PLEKHB1: variants seen among roughly 807,000 people sequenced by gnomAD.
PLEKHB1 encodes the protein pleckstrin homology domain containing B1.
In PLEKHB1, 29 loss-of-function variants were observed where a neutral mutation model predicts 36.2. The observed-to-expected ratio is 0.80, with a 90% CI of 0.60 to 1.09. The LOEUF (loss-of-function observed/expected upper bound fraction) is 1.09. Among genes scored for constraint, PLEKHB1 ranks in the 50% least tolerant of loss-of-function variants. PLEKHB1 has a pLI of 0.00. For synonymous variants in PLEKHB1, 138 were observed against 140.0 expected (o/e 0.99, Z 0.10); for missense variants, 330 against 348.2 (o/e 0.95, Z 0.42).
chr11:73,651,658 G>A, intron 3 of PLEKHB1, 130 bp from the exon 4 acceptor site: 1 of 704,026 alleles, frequency 1.4e-6, no homozygotes, highest in Non-Finnish European at 2.5e-6. Context: ...AGAGTATATG[G>A]GATCAGAGGA....
At position 73,651,849 on chromosome 11, in the gene PLEKHB1, C is replaced by A. The variant is rs747673290; in HGVS notation, c.309C>A (p.Gly103=). 3 of 1,613,510 alleles carry A rather than the reference C, an allele frequency of 1.9e-6. No individual in the cohort carries two copies. Among genetic ancestry groups the A allele is most frequent in the Non-Finnish European group, 2.5e-6 (3 of 1,179,856 alleles). Residue 103 remains glycine, a synonymous_variant, in exon 4 of 8, where the codon GGC becomes GGA. Transcript: ENST00000354190. ...TGCTGACTGTGAACCTACGGGAAGG[C>A]GGCCGCCTGCACCTCTGTGCGGAGA... The part of the protein sequence containing the change: ...DGLLTVNLRE[G]GRLHLCAETK...
chr11:73,648,820 C>T, intron 1 of PLEKHB1, 192 bp from the exon 2 acceptor site: 1 of 1,339,796 alleles, frequency 7.5e-7, no homozygotes, highest in Non-Finnish European at 9.6e-7. Flanking sequence ...GGCTGCCCTG[C>T]TGACCCCACA....
chr11:73,647,548 C>T (rs1403732864), intron 1 of PLEKHB1: 1 of 985,372 alleles, frequency 1.0e-6, no homozygotes, highest in East Asian at 1.1e-4. Flanking sequence ...CTCTTCACGT[C>T]ACTCCCCCTC....
chr11:73,659,568 C>G (rs1261906227), intron 6 of PLEKHB1, among the ~76,000 whole-genome samples: 1 of 152,066 alleles, frequency 6.6e-6, no homozygotes, highest in East Asian at 1.9e-4. Context: ...ACAAGCAGCT[C>G]ACATTTGGGC....
At chr11:73,660,998 C>G (rs952521826) in intron 7 of PLEKHB1, 146 bp downstream of exon 7, 8 of 746,364 alleles carry the variant, frequency 1.1e-5, no homozygotes, top group Admixed American at 6.9e-5. Context: ...AAGCCCCTCT[C>G]CATCCTGAGA....
chr11:73,647,895 G>C, intron 1 of PLEKHB1: 1 of 984,446 alleles, frequency 1.0e-6, no homozygotes, highest in Non-Finnish European at 1.2e-6. Flanking sequence ...CGCAGCAACA[G>C]GTGTGAGCAG....
intron 6 of PLEKHB1, among the ~76,000 whole-genome samples, chr11:73,657,054 G>A (rs1945007585): frequency 6.6e-6 from 1 of 152,096 alleles, no homozygotes. Context: ...GCAGGAGAAT[G>A]GCTTGAACTC....
At chr11:73,651,999 C>A in intron 4 of PLEKHB1, 109 bp downstream of exon 4, 1 of 969,336 alleles carries the variant, frequency 1.0e-6, no homozygotes, top group Admixed American at 2.2e-5. Context: ...GGCACTAAGG[C>A]CAGTCAGCAA....
rs373380141 is a variant in PLEKHB1, at chr11:73,655,836, C to T, written c.424C>T (p.Arg142Cys). The T allele has an allele frequency of 8.7e-6, 14 of 1,613,634 alleles. No homozygotes were observed. Among genetic ancestry groups the T allele is most frequent in the African/African-American group, 4.0e-5 (3 of 74,894 alleles). Residue 142 changes from arginine to cysteine, a missense_variant, in exon 6 of 8, where the codon CGC becomes TGC. Coordinates refer to ENST00000354190, the MANE Select transcript of PLEKHB1 (RefSeq NM_021200.3). ...PAGATVPPRS[R>C]RVCSKVRCVT... ...TGGAGCCACCGTCCCTCCCAGGAGC[C>T]GCCGGGTTTGCTCCAAGGTCAGGTG...
chr11:73,658,757 C>T (rs866343524), intron 6 of PLEKHB1, among the ~76,000 whole-genome samples: 11 of 152,318 alleles, frequency 7.2e-5, no homozygotes, highest in South Asian at 6.2e-4. Flanking sequence ...GCTGGGCCCA[C>T]GGGCATGCAT....
intron 6 of PLEKHB1, among the ~76,000 whole-genome samples, chr11:73,657,257 G>C (rs1223260923): frequency 6.6e-6 from 1 of 152,172 alleles, no homozygotes; most frequent in Non-Finnish European, 1.5e-5. Flanking sequence ...GGCTTGGAGA[G>C]GTTACCTAAC....
At chr11:73,656,127 T>G (rs1024205674) in intron 6 of PLEKHB1, among the ~76,000 whole-genome samples, 31 of 152,152 alleles carry the variant, frequency 2.0e-4, no homozygotes, top group African/African-American at 7.0e-4. Context: ...TGACAAGACC[T>G]CAGTTTCCTC....
At chr11:73,649,336 A>G (rs897194895) in intron 2 of PLEKHB1, among the ~76,000 whole-genome samples, 4 of 151,650 alleles carry the variant, frequency 2.6e-5, no homozygotes, top group East Asian at 1.9e-4. Context: ...TCTGGCCCCC[A>G]CCCCTGCTCC....
In PLEKHB1 at chr11:73,651,892, T is replaced by C. The variant is rs1944905627; in HGVS notation, c.350+2T>C. On this transcript the variant is annotated splice_donor_variant, in intron 4 of 7. Transcript: ENST00000354190. LOFTEE classifies it high-confidence loss of function. The stretch of plus-strand genomic sequence containing the variant: ...TGCGGAGACCAAGGATGATGCCCTG[T>C]GAGTCACTCCCAGGAGAGGATGGGG... 6.2e-7 allele frequency: 1 copy of C among 1,612,048 alleles called. No individual in the cohort carries two copies. Among genetic ancestry groups the C allele is most frequent in the Non-Finnish European group, 8.5e-7 (1 of 1,178,978 alleles).
Position 73,646,883 on chromosome 11 carries a change from G to A in PLEKHB1, c.18+257G>A, listed in dbSNP as rs376694309. Among the ~76,000 whole-genome samples the A allele has an allele frequency of 1.3e-3, 204 of 152,168 alleles. 1 individual carries two copies. The highest frequency in any genetic ancestry group is 4.5e-3 in the African/African-American group (187 of 41,506). On this transcript the variant is annotated intron_variant, in intron 1 of 7. Transcript: ENST00000354190. ...GTCCATTCTTCACTGTGCCCTAGAG[G>A]GGCCTTTCCGACCCCCTAATCACAC...
chr11:73,652,667 C>T (rs1231277465), intron 4 of PLEKHB1: 1 of 316,396 alleles, frequency 3.2e-6, no homozygotes, highest in Non-Finnish European at 5.7e-6. Context: ...GCTACAACAC[C>T]CACCCAAGAG....
In PLEKHB1 at chr11:73,646,620, A is replaced by T; in HGVS notation, c.12A>T (p.Ala4=). The change falls in exon 1 of 8, where the codon GCA becomes GCT. Residue 4 remains alanine (A), a synonymous_variant. Coordinates refer to ENST00000354190, the MANE Select transcript of PLEKHB1 (RefSeq NM_021200.3). MSP[A]APVPPDSALE... is the part of the protein sequence containing the mutation. Reference sequence around the variant, plus strand: ...GCCACCCAGGAACCATGAGCCCTGCAGCCCCGGTAAGGAAGAGTTCTCTGG... The same window carrying T: ...GCCACCCAGGAACCATGAGCCCTGCTGCCCCGGTAAGGAAGAGTTCTCTGG... The T allele has an allele frequency of 1.3e-6, 2 of 1,551,532 alleles. No homozygotes were observed. Among genetic ancestry groups the T allele is most frequent in the Non-Finnish European group, 1.7e-6 (2 of 1,146,984 alleles).
chr11:73,653,025 C>T lies in PLEKHB1; in HGVS notation c.390+11C>T, dbSNP rs551235035. 2.1e-5 allele frequency: 33 copies of T among 1,606,788 alleles called. No homozygotes were observed. In the African/African-American group the frequency reaches 2.4e-4, roughly 12 times the overall value. ...GCAAACTCCACCCCGGTGAGTCTCC[C>T]GTTCTCTCCCCCTTTCCCCACCACC... On this transcript the variant is annotated intron_variant, in intron 5 of 7. Coordinates refer to ENST00000354190, the MANE Select transcript of PLEKHB1 (RefSeq NM_021200.3).
At chr11:73,660,036 C>T (rs1475809640) in intron 6 of PLEKHB1, among the ~76,000 whole-genome samples, 2 of 152,140 alleles carry the variant, frequency 1.3e-5, no homozygotes, top group African/African-American at 4.8e-5. Context: ...ATGATAATGT[C>T]GTAGGGCAAT....
Sources: allele counts gnomAD v4.1 joint callset (sites outside exome capture counted in the v4.1 genomes callset), GRCh38; gene constraint gnomAD v4.1.1; transcripts MANE v1.5; gene names NCBI Gene and HGNC (gene_info 2026-07-23, HGNC 2026-07-21).